The following ESYT2 variants were observed in gnomAD, a reference collection of about 807,000 sequenced individuals.
ESYT2 encodes extended synaptotagmin 2.
In ESYT2, 54 loss-of-function variants were observed where a neutral mutation model predicts 107.2. That is an observed-to-expected ratio of 0.50 (90% CI 0.40 to 0.63). ESYT2 has a LOEUF of 0.63. ESYT2 is among the 30% of genes least tolerant of loss of function. The pLI, the probability that ESYT2 is intolerant of heterozygous loss-of-function variation, is 0.00. For missense variants in ESYT2, 1,020 were observed against 1,094.5 expected (o/e 0.93, Z 0.96); for synonymous variants, 491 against 434.1 (o/e 1.13, Z -1.63).
intron 13 of ESYT2, among the ~76,000 whole-genome samples, chr7:158,754,076 A>C (rs1415640761): frequency 6.6e-6 from 1 of 152,170 alleles, no homozygotes; most frequent in Non-Finnish European, 1.5e-5. Context: ...GATGAGACAG[A>C]CTAGACCAGG....
At chr7:158,784,821 T>C (rs1472630254) in intron 6 of ESYT2, among the ~76,000 whole-genome samples, 2 of 152,202 alleles carry the variant, frequency 1.3e-5, no homozygotes, top group Non-Finnish European at 2.9e-5. Context: ...AGAAATGGAA[T>C]CTGCGGTTCA....
intron 17 of ESYT2, among the ~76,000 whole-genome samples, 175 bp from the exon 18 acceptor site, chr7:158,742,071 C>A (rs1357903557): frequency 6.6e-6 from 1 of 152,114 alleles, no homozygotes; most frequent in Non-Finnish European, 1.5e-5. Context: ...GATACAAATA[C>A]CACTTTTTTC....
At chr7:158,824,543 G>A (rs1011125772) in intron 1 of ESYT2, among the ~76,000 whole-genome samples, 2 of 152,108 alleles carry the variant, frequency 1.3e-5, no homozygotes, top group Non-Finnish European at 2.9e-5. Flanking sequence ...GAACTTCCCA[G>A]AAGGGCAATG....
intron 19 of ESYT2, among the ~76,000 whole-genome samples, 198 bp downstream of exon 19, chr7:158,738,825 G>A (rs1446908331): frequency 6.6e-6 from 1 of 152,202 alleles, no homozygotes; most frequent in African/African-American, 2.4e-5. Context: ...TTGTACTTCG[G>A]TGACCAAAAC....
chr7:158,801,295 T>G (rs535007596), intron 1 of ESYT2, among the ~76,000 whole-genome samples: 1 of 152,338 alleles, frequency 6.6e-6, no homozygotes, highest in East Asian at 1.9e-4. Context: ...CAAAGTGGCT[T>G]TGAAAATCGA....
At chr7:158,828,120 C>CA (rs34879333) in intron 1 of ESYT2, among the ~76,000 whole-genome samples, 16,445 of 152,134 alleles carry the variant, frequency 0.11, 917 homozygotes, top group African/African-American at 0.13. Flanking sequence ...ATTATACTTG[C>CA]AAAAAAACTG....
At chr7:158,787,929 C>A in intron 6 of ESYT2, 75 bp downstream of exon 6, 1 of 1,251,392 alleles carries the variant, frequency 8.0e-7, no homozygotes, top group Non-Finnish European at 1.2e-6. Flanking sequence ...TGTTTCTCCA[C>A]TTTATATATT....
chr7:158,749,049 C>T (rs1182754520), intron 15 of ESYT2, among the ~76,000 whole-genome samples: 1 of 152,004 alleles, frequency 6.6e-6, no homozygotes, highest in African/African-American at 2.4e-5. Flanking sequence ...GGAATTGTTC[C>T]CATGTGTCTA....
intron 1 of ESYT2, among the ~76,000 whole-genome samples, chr7:158,807,956 C>T (rs1039333315): frequency 6.6e-6 from 1 of 152,180 alleles, no homozygotes; most frequent in African/African-American, 2.4e-5. Flanking sequence ...AAAAGGATGG[C>T]GCCACGGGGT....
At chr7:158,816,838 T>C (rs1017255551) in intron 1 of ESYT2, among the ~76,000 whole-genome samples, 2 of 152,226 alleles carry the variant, frequency 1.3e-5, no homozygotes, top group Non-Finnish European at 2.9e-5. Context: ...AAAAAATAAG[T>C]AGGAAGAGTA....
chr7:158,795,380 C>G (rs1839426929), intron 3 of ESYT2, among the ~76,000 whole-genome samples: 1 of 152,226 alleles, frequency 6.6e-6, no homozygotes, highest in Non-Finnish European at 1.5e-5. Context: ...GGAACTCAAA[C>G]ATAATTAAAT....
chr7:158,809,151 T>G (rs1839917628), intron 1 of ESYT2, among the ~76,000 whole-genome samples: 1 of 151,854 alleles, frequency 6.6e-6, no homozygotes, highest in Admixed American at 6.6e-5. Context: ...GTAGTAAACT[T>G]TGGATCACAT....
chr7:158,767,347 T>C (rs1036330286), intron 8 of ESYT2, among the ~76,000 whole-genome samples: 5 of 152,210 alleles, frequency 3.3e-5, no homozygotes, highest in African/African-American at 1.2e-4. Flanking sequence ...CAGTATGTGC[T>C]TTCTGAGGTA....
At chr7:158,802,447 A>C (rs772667778) in intron 1 of ESYT2, among the ~76,000 whole-genome samples, 2 of 152,154 alleles carry the variant, frequency 1.3e-5, no homozygotes, top group Admixed American at 6.5e-5. Context: ...CAAGTGGCTA[A>C]TTTTTGTAGT....
At chr7:158,756,170 A>G (rs536007154) in intron 13 of ESYT2, among the ~76,000 whole-genome samples, 19 of 152,354 alleles carry the variant, frequency 1.2e-4, no homozygotes, top group African/African-American at 4.6e-4. Flanking sequence ...GCAAAGCGCT[A>G]TCACTGCTCT....
At chr7:158,815,872 A>T (rs1210492343) in intron 1 of ESYT2, among the ~76,000 whole-genome samples, 1 of 152,236 alleles carries the variant, frequency 6.6e-6, no homozygotes, top group East Asian at 1.9e-4. Flanking sequence ...ACCCTTGTAA[A>T]ATAAATCTGA....
At chr7:158,782,320 G>C (rs113116335) in intron 6 of ESYT2, among the ~76,000 whole-genome samples, 3,317 of 138,384 alleles carry the variant, frequency 0.024, 129 homozygotes, top group African/African-American at 0.08. Flanking sequence ...GTGAGTGAAC[G>C]AGTGTGAGAA....
chr7:158,819,920 A>G (rs141990053), intron 1 of ESYT2, among the ~76,000 whole-genome samples: 1 of 152,380 alleles, frequency 6.6e-6, no homozygotes, highest in African/African-American at 2.4e-5. Context: ...TAGTATTTCC[A>G]CATCTGCTGT....
rs541828033 is a variant in ESYT2 at position 158,780,657 on chromosome 7, T to C, written c.748-7261A>G. ...AGAGGGCATGCCCACGTGGGCCTTGTTGAAAAGACTGAGATACATTTAAGT... is the reference window on the plus strand; with the variant it reads ...AGAGGGCATGCCCACGTGGGCCTTGCTGAAAAGACTGAGATACATTTAAGT... On this transcript the variant is annotated intron_variant, in intron 6 of 22. Coordinates refer to ENST00000275418, the MANE Select transcript of ESYT2 (RefSeq NM_001367773.1). 7.9e-5 allele frequency among the ~76,000 whole-genome samples: 12 copies of C among 152,368 alleles called. No individual in the cohort carries two copies. The East Asian group carries it at 2.1e-3, about 27-fold the overall frequency.
Sources: allele counts gnomAD v4.1 joint callset (sites outside exome capture counted in the v4.1 genomes callset), GRCh38; gene constraint gnomAD v4.1.1; transcripts MANE v1.5; gene names NCBI Gene and HGNC (gene_info 2026-07-23, HGNC 2026-07-21).